IL4I1: variants seen among roughly 807,000 people sequenced by gnomAD.
IL4I1 encodes the protein interleukin 4 induced 1, also known as L-amino-acid oxidase.
In IL4I1, 24 loss-of-function variants were observed where a neutral mutation model predicts 29.7. The observed-to-expected ratio is 0.81, with a 90% CI of 0.59 to 1.14. The LOEUF (loss-of-function observed/expected upper bound fraction) is 1.14. IL4I1 is among the 50% of genes most tolerant of loss of function. IL4I1 has a pLI of 0.00. For missense variants in IL4I1, 686 were observed against 785.6 expected (o/e 0.87, Z 1.52); for synonymous variants, 371 against 352.5 (o/e 1.05, Z -0.59).
chr19:49,920,399 G>A (rs1300115688), intron 2 of IL4I1, among the ~76,000 whole-genome samples: 5 of 152,138 alleles, frequency 3.3e-5, no homozygotes, highest in Non-Finnish European at 7.3e-5. Context: ...TCTTTTTAGC[G>A]TGATGAAAAT....
Position 49,909,552 on chromosome 19 carries a change from T to A in IL4I1, c.-227-5231A>T, listed in dbSNP as rs751512833. The A allele has an allele frequency of 7.4e-6, 12 of 1,614,014 alleles. No homozygotes were observed. The Admixed American group carries it at 1.0e-4, about 13-fold the overall frequency. On this transcript the variant is annotated intron_variant, in intron 2 of 9. Transcript: ENST00000341114. ...GCACCGATCCCCAAAGAAAATCCAG[T>A]TCCCCCCGAAGCAAGAGTCGCTGTT... is the stretch of plus-strand genomic sequence containing the variant.
At chr19:49,896,460 A>C (rs2075212608) in intron 1 of IL4I1, among the ~76,000 whole-genome samples, 1 of 148,398 alleles carries the variant, frequency 6.7e-6, no homozygotes, top group Admixed American at 6.7e-5. Context: ...TTTTTTTAAC[A>C]GTCTTTCTCT....
intron 2 of IL4I1, among the ~76,000 whole-genome samples, chr19:49,919,974 C>T (rs1268867421): frequency 1.3e-5 from 2 of 152,164 alleles, no homozygotes; most frequent in East Asian, 3.8e-4. Flanking sequence ...GTCTCCCAGG[C>T]TGGAGTGCAG....
At chr19:49,891,503 A>AGCTGCCCGGCCTCCACCCTG in intron 5 of IL4I1, 30 bp from the exon 6 acceptor site, 1 of 1,608,984 alleles carries the variant, frequency 6.2e-7, no homozygotes, top group Non-Finnish European at 8.5e-7. Context: ...CATGGTGCTG[A>AGCTGCCCGGCCTCCACCCTG]GCTGCCCGGG....
chr19:49,897,556 T>C (rs2075227630), upstream of IL4I1, among the ~76,000 whole-genome samples: 1 of 152,232 alleles, frequency 6.6e-6, no homozygotes, highest in Non-Finnish European at 1.5e-5. Flanking sequence ...GGGGTAGTAC[T>C]GGAAGCTGCT....
rs947520448 is a variant in IL4I1, at chr19:49,922,471, C to G, written c.-228+5223G>C. On this transcript the variant is annotated intron_variant, in intron 2 of 9. Transcript: ENST00000341114. ...GGGACCGGGCTGTGTCGGAATGAAG[C>G]CCTACTCCGTCTCACTGCTTGTAAA... Among the ~76,000 whole-genome samples, 73 of 151,938 alleles carry G rather than the reference C, an allele frequency of 4.8e-4. 2 individuals are homozygous for G. Among genetic ancestry groups the G allele is most frequent in the Middle Eastern group, 3.2e-3 (1 of 316 alleles).
At chr19:49,918,056 G>A (rs1173658800) in intron 2 of IL4I1, among the ~76,000 whole-genome samples, 1 of 151,594 alleles carries the variant, frequency 6.6e-6, no homozygotes, top group Non-Finnish European at 1.5e-5. Flanking sequence ...CAAAGCCATG[G>A]AGAGGGTCTG....
rs1348617635 is a variant in IL4I1 at position 49,914,733 on chromosome 19, T to G, written c.-227-10412A>C. Among the ~76,000 whole-genome samples, 39 of 102,952 alleles carry G rather than the reference T, an allele frequency of 3.8e-4. 1 individual carries two copies. The highest frequency in any genetic ancestry group is 1.5e-3 in the African/African-American group (32 of 22,028). The allele number at this position is 102,952 out of a possible 152,430, so 67.5% of individuals were successfully genotyped here. On this transcript the variant is annotated intron_variant, in intron 2 of 9. Coordinates refer to the IL4I1 transcript ENST00000341114. ...GTGCCACTCCAAGTCCCAGTTTTTT[T>G]TTTTTTTTTTTTTTTTTTTTTTTTG...
At chr19:49,904,362 C>T (rs954502864) in intron 2 of IL4I1, 5 of 152,130 alleles carry the variant, frequency 3.3e-5, no homozygotes, top group African/African-American at 7.2e-5. Context: ...CCATCACCCG[C>T]GGTGGCACCC....
At chr19:49,913,433 G>A (rs932796253) in intron 2 of IL4I1, among the ~76,000 whole-genome samples, 1 of 152,190 alleles carries the variant, frequency 6.6e-6, no homozygotes, top group East Asian at 1.9e-4. Context: ...TAGAGTGGGG[G>A]CTTTGGGTCA....
intron 2 of IL4I1, chr19:49,908,874 C>T (rs1207785500): frequency 6.8e-6 from 11 of 1,610,542 alleles, no homozygotes; most frequent in South Asian, 4.4e-5. Flanking sequence ...CCAGGTGGAG[C>T]GGTCACGGCA....
rs36220132 is a variant in IL4I1 at position 49,927,336 on chromosome 19, T to C, written c.-228+358A>G. On this transcript the variant is annotated intron_variant, in intron 2 of 9. Coordinates refer to the IL4I1 transcript ENST00000341114. ...TAAAATTTGGCTTCCTGGGGCCACA[T>C]TGAAGAATTGTCTTAGGCCACACAT... 8.7e-3 allele frequency among the ~76,000 whole-genome samples: 1,329 copies of C among 152,242 alleles called. 19 individuals carry two copies. Among genetic ancestry groups the C allele is most frequent in the African/African-American group, 0.03 (1,233 of 41,528 alleles).
intron 3 of IL4I1, among the ~76,000 whole-genome samples, chr19:49,903,552 G>C (rs1236353001): frequency 1.3e-5 from 2 of 152,196 alleles, no homozygotes; most frequent in Non-Finnish European, 2.9e-5. Flanking sequence ...TTTGCTCCCT[G>C]GGAGGTTCTG....
In IL4I1 at chr19:49,909,126, C is replaced by T. The variant is rs768920256; in HGVS notation, c.-227-4805G>A. ...CCAGTGGTGGCAGATGAGGTTGGAGCAGTTGCTATTGACGCAAAGAGGCTG... is the reference window on the plus strand; with the variant it reads ...CCAGTGGTGGCAGATGAGGTTGGAGTAGTTGCTATTGACGCAAAGAGGCTG... On this transcript the variant is annotated intron_variant, in intron 2 of 9. Transcript: ENST00000341114. The T allele has an allele frequency of 3.1e-6, 5 of 1,612,140 alleles. No individual in the cohort carries two copies. In the African/African-American group the frequency reaches 5.3e-5, roughly 17 times the overall value.
At position 49,921,405 on chromosome 19, in the gene IL4I1, C is replaced by T. The variant is rs745541341; in HGVS notation, c.-228+6289G>A. ...CTCATCCAGTCCCCCTTCCCATTCT[C>T]CAGAGACTTCCTGGGCCATCTCCAT... On this transcript the variant is annotated intron_variant, in intron 2 of 9. Coordinates refer to the IL4I1 transcript ENST00000341114. The surrounding 1 kb of genome is among the most constrained non-coding windows in gnomAD (Gnocchi z 5.4). Among the ~76,000 whole-genome samples, 1 of 152,166 alleles carries T rather than the reference C, an allele frequency of 6.6e-6. No homozygotes were observed. The highest frequency in any genetic ancestry group is 1.5e-5 in the Non-Finnish European group (1 of 68,036).
At chr19:49,909,372 T>C (rs1333308401) in intron 2 of IL4I1, 1 of 1,613,052 alleles carries the variant, frequency 6.2e-7, no homozygotes, top group Non-Finnish European at 8.5e-7. Context: ...ACAGAGGTGG[T>C]GGAGGGGCCA....
At chr19:49,890,643 T>C (rs962046134) in intron 7 of IL4I1, 43 bp from the exon 8 acceptor site, 43 of 1,442,090 alleles carry the variant, frequency 3.0e-5, no homozygotes, top group Non-Finnish European at 3.6e-5. Context: ...ACCTGGGCTC[T>C]GCGGCCCTGC....
At chr19:49,920,533 C>T (rs183131606) in intron 2 of IL4I1, among the ~76,000 whole-genome samples, 24 of 152,316 alleles carry the variant, frequency 1.6e-4, no homozygotes, top group African/African-American at 4.6e-4. Context: ...ACCAACCAAC[C>T]GACCAACCAA....
chr19:49,908,715 G>A, intron 2 of IL4I1: 1 of 1,612,938 alleles, frequency 6.2e-7, no homozygotes, highest in East Asian at 2.2e-5. Context: ...TTCTCGATCA[G>A]CGTGCGGTCC....
Sources: allele counts gnomAD v4.1 joint callset (sites outside exome capture counted in the v4.1 genomes callset), GRCh38; gene constraint gnomAD v4.1.1; non-coding constraint Gnocchi (gnomAD v3.1); transcripts MANE v1.5; gene names NCBI Gene and HGNC (gene_info 2026-07-23, HGNC 2026-07-21).